The following LRBA variants were observed in gnomAD, a reference collection of about 807,000 sequenced individuals.
The protein encoded by LRBA is LPS responsive beige-like anchor protein, also known as lipopolysaccharide-responsive and beige-like anchor protein.
LRBA carries 176 observed loss-of-function variants against 330.0 expected under a neutral mutation model. That is an observed-to-expected ratio of 0.53 (90% CI 0.47 to 0.60). The LOEUF (loss-of-function observed/expected upper bound fraction) is 0.60. LRBA is among the 20% of genes least tolerant of loss of function. LRBA has a pLI of 0.00. For missense variants in LRBA, 3,259 were observed against 3,444.8 expected (o/e 0.95, Z 1.35); for synonymous variants, 1,230 against 1,193.0 (o/e 1.03, Z -0.64).
intron 47 of LRBA, among the ~76,000 whole-genome samples, chr4:150,398,182 G>T (rs551752320): frequency 6.6e-6 from 1 of 152,256 alleles, no homozygotes; most frequent in African/African-American, 2.4e-5. Flanking sequence ...ATCTAAATAA[G>T]CATGGGACTA....
chr4:150,779,759 T>A (rs1303182121), intron 34 of LRBA, among the ~76,000 whole-genome samples: 1 of 152,164 alleles, frequency 6.6e-6, no homozygotes, highest in Non-Finnish European at 1.5e-5. Context: ...AATCCACATA[T>A]ATGTTGGTTT....
intron 37 of LRBA, among the ~76,000 whole-genome samples, chr4:150,678,692 T>A (rs1266630689): frequency 6.6e-6 from 1 of 152,198 alleles, no homozygotes; most frequent in Non-Finnish European, 1.5e-5. Context: ...TATTAAGCCA[T>A]CTTACAATGT....
At position 150,883,967 on chromosome 4, in the gene LRBA, C is replaced by T. The variant is rs193230538; in HGVS notation, c.2165+9085G>A. The stretch of plus-strand genomic sequence containing the variant: ...TCCATGAAAAAAGACAGGAATAAAA[C>T]CGAAAAAAATTTTCACTGAAAAATA... On this transcript the variant is annotated intron_variant, in intron 17 of 56. Transcript: ENST00000651943. 4.6e-5 allele frequency among the ~76,000 whole-genome samples: 7 copies of T among 152,090 alleles called. No individual in the cohort carries two copies. The East Asian group carries it at 1.4e-3, about 29-fold the overall frequency.
intron 47 of LRBA, among the ~76,000 whole-genome samples, chr4:150,395,261 T>A (rs1362436810): frequency 6.6e-6 from 1 of 152,194 alleles, no homozygotes; most frequent in East Asian, 1.9e-4. Context: ...ACTGAATTTA[T>A]CTTCCTCAAA....
chr4:150,382,279 A>G (rs1210759489), intron 47 of LRBA, among the ~76,000 whole-genome samples: 1 of 152,202 alleles, frequency 6.6e-6, no homozygotes, highest in Non-Finnish European at 1.5e-5. Flanking sequence ...GTAGCCTTGC[A>G]GTCTTGTTTT....
intron 2 of LRBA, among the ~76,000 whole-genome samples, chr4:150,988,628 G>A (rs905809657): frequency 6.6e-6 from 1 of 152,046 alleles, no homozygotes; most frequent in African/African-American, 2.4e-5. Context: ...CACCAGGCTG[G>A]AGTGCAGTGG....
In LRBA at chr4:150,914,233, G is replaced by A; in HGVS notation, c.1123C>T (p.Gln375Ter). 1 of 1,610,092 alleles carries A rather than the reference G, an allele frequency of 6.2e-7. No individual in the cohort carries two copies. Among genetic ancestry groups the A allele is most frequent in the Non-Finnish European group, 8.5e-7 (1 of 1,177,950 alleles). Residue 375 changes from glutamine to a stop codon, truncating the protein, a stop_gained, in exon 9 of 57, where the codon CAG (glutamine) becomes TAG (stop). Transcript: ENST00000651943. LOFTEE classifies it high-confidence loss of function. ...CCCAACTGATAAATAGCAAATATCT[G>A]AGCTGCATTTAGAGCTTCACTGAAA... ...YLFSEALNAA[Q>*]IFAIYQLGLG... is the part of the protein sequence containing the mutation.
chr4:150,932,743 C>T (rs985547823), intron 2 of LRBA, among the ~76,000 whole-genome samples: 1 of 151,732 alleles, frequency 6.6e-6, no homozygotes, highest in Non-Finnish European at 1.5e-5. Flanking sequence ...TAGCAAAATC[C>T]CATCTCTACT....
chr4:150,587,734 G>T (rs1350198513), intron 40 of LRBA, among the ~76,000 whole-genome samples: 1 of 151,818 alleles, frequency 6.6e-6, no homozygotes, highest in Middle Eastern at 3.2e-3. Context: ...ACTGAATTTT[G>T]TATCTTAATT....
intron 22 of LRBA, among the ~76,000 whole-genome samples, chr4:150,861,390 T>C (rs929753951): frequency 1.3e-5 from 2 of 152,006 alleles, no homozygotes; most frequent in African/African-American, 4.8e-5. Context: ...CCTCCCAAAG[T>C]GCTGGGATTA....
chr4:150,304,100 G>A (rs1042135922), intron 52 of LRBA, among the ~76,000 whole-genome samples: 2 of 151,522 alleles, frequency 1.3e-5, no homozygotes, highest in African/African-American at 4.9e-5. Context: ...TTTATATTTC[G>A]ATTATAAAAT....
intron 37 of LRBA, among the ~76,000 whole-genome samples, chr4:150,618,834 G>GTATACATATATA (rs1776018674): frequency 8.6e-6 from 1 of 115,642 alleles, no homozygotes; most frequent in African/African-American, 3.0e-5. Flanking sequence ...CATATATTAT[G>GTATACATATATA]TATATGTGTG....
rs562477753 is a variant in LRBA at position 150,742,462 on chromosome 4, A to T, written c.5646-7096T>A. 3.0e-4 allele frequency among the ~76,000 whole-genome samples: 45 copies of T among 152,168 alleles called. 2 individuals are homozygous for T. The highest frequency in any genetic ancestry group is 7.2e-4 in the African/African-American group (30 of 41,534). On this transcript the variant is annotated intron_variant, in intron 35 of 56. Transcript: ENST00000651943. Reference sequence around the variant, plus strand: ...CATGGCCTGCAAGGATTATTTTTTTAAATTTATATAACAAAAGTGGCTAAA... The same window carrying T: ...CATGGCCTGCAAGGATTATTTTTTTTAATTTATATAACAAAAGTGGCTAAA...
intron 50 of LRBA, among the ~76,000 whole-genome samples, chr4:150,318,801 T>C (rs959189739): frequency 6.6e-6 from 1 of 152,054 alleles, no homozygotes; most frequent in Non-Finnish European, 1.5e-5. Context: ...TCTAATGACA[T>C]GGTTATAGAC....
intron 36 of LRBA, 84 bp from the exon 37 acceptor site, chr4:150,683,801 A>C (rs1398329319): frequency 1.5e-5 from 15 of 986,016 alleles, no homozygotes; most frequent in Non-Finnish European, 2.0e-5. Context: ...ACCCTAAATC[A>C]AAACAACCAA....
intron 50 of LRBA, among the ~76,000 whole-genome samples, chr4:150,320,540 C>T (rs1581003396): frequency 6.6e-6 from 1 of 152,098 alleles, no homozygotes; most frequent in African/African-American, 2.4e-5. Context: ...GACATAGTGG[C>T]TCATGCCTGT....
Position 150,639,757 on chromosome 4 carries a change from A to ATGTG in LRBA, c.5922-40627_5922-40626insCACA, listed in dbSNP as rs1561457062. Among the ~76,000 whole-genome samples the ATGTG allele has an allele frequency of 7.5e-3, 134 of 17,906 alleles. 10 individuals carry two copies. The highest frequency in any genetic ancestry group is 0.032 in the African/African-American group (129 of 4,074). 11.7% of individuals were successfully genotyped at this position (17,906 alleles called of 152,430 possible). ...CCCAAATATATATATATATATATAT[A>ATGTG]TATATATATATATATATATATATAT... On this transcript the variant is annotated intron_variant, in intron 37 of 56. Transcript: ENST00000651943.
intron 40 of LRBA, among the ~76,000 whole-genome samples, chr4:150,539,021 G>A (rs1380246079): frequency 6.6e-6 from 1 of 151,842 alleles, no homozygotes; most frequent in African/African-American, 2.4e-5. Context: ...TGTCACCCAG[G>A]CTGGAGTGCA....
At chr4:150,487,960 C>T (rs985570545) in intron 41 of LRBA, 126 bp from the exon 42 acceptor site, 8 of 447,658 alleles carry the variant, frequency 1.8e-5, no homozygotes, top group East Asian at 3.3e-5. Context: ...TTACTATATT[C>T]CTTTTATATA....
Sources: gnomAD v4.1 joint callset for allele counts (sites outside exome capture counted in the v4.1 genomes callset) on GRCh38, gnomAD v4.1.1 for gene constraint, MANE v1.5 for transcripts, NCBI Gene and HGNC (gene_info 2026-07-23, HGNC 2026-07-21) for gene names.